Variants in MICU1 observed in about 807,000 individuals in gnomAD.
The protein encoded by MICU1 is calcium uptake protein 1, mitochondrial.
In MICU1, 45 loss-of-function variants were observed where a neutral mutation model predicts 56.8. That is an observed-to-expected ratio of 0.79 (90% CI 0.62 to 1.02). The LOEUF is 1.02. MICU1 is among the 50% of genes least tolerant of loss of function. The pLI is 0.00. For missense variants in MICU1, 504 were observed against 587.1 expected (o/e 0.86, Z 1.46); for synonymous variants, 186 against 195.1 (o/e 0.95, Z 0.39).
At position 72,405,125 on chromosome 10, in the gene MICU1, T is replaced by C. The variant is rs369039894; in HGVS notation, c.1180+2804A>G. 6.6e-5 allele frequency among the ~76,000 whole-genome samples: 10 copies of C among 152,280 alleles called. No individual in the cohort carries two copies. In the East Asian group the frequency reaches 1.9e-3, roughly 29 times the overall value. The stretch of plus-strand genomic sequence containing the variant: ...GGTTTCACCATGTTGGCGAGGCTGG[T>C]CTTGAACTCCTGATCTCAGGTGATC... On this transcript the variant is annotated intron_variant, in intron 10 of 11. Coordinates refer to ENST00000361114, the MANE Select transcript of MICU1 (RefSeq NM_001195518.2).
At chr10:72,440,223 C>A (rs1419228049) in intron 8 of MICU1, among the ~76,000 whole-genome samples, 2 of 152,128 alleles carry the variant, frequency 1.3e-5, no homozygotes, top group Non-Finnish European at 2.9e-5. Flanking sequence ...TGGAACAGAA[C>A]AGAGGCCTCA....
chr10:72,526,993 T>C (rs1867982654), intron 5 of MICU1, among the ~76,000 whole-genome samples: 1 of 151,502 alleles, frequency 6.6e-6, no homozygotes, highest in African/African-American at 2.4e-5. Context: ...TCATGGTATA[T>C]GAAACAATAA....
intron 3 of MICU1, among the ~76,000 whole-genome samples, chr10:72,551,572 G>A (rs1379713741): frequency 6.6e-6 from 1 of 151,838 alleles, no homozygotes; most frequent in Admixed American, 6.6e-5. Flanking sequence ...TCCAGTTGAG[G>A]CAATGCTCAT....
intron 8 of MICU1, among the ~76,000 whole-genome samples, chr10:72,462,528 A>G (rs1418717256): frequency 3.3e-5 from 5 of 152,182 alleles, no homozygotes; most frequent in Admixed American, 3.3e-4. Context: ...TATACTACAC[A>G]TATGCTCGAG....
chr10:72,594,612 AAGAT>A (rs886234560), intron 1 of MICU1, among the ~76,000 whole-genome samples: 3 of 152,142 alleles, frequency 2.0e-5, no homozygotes, highest in African/African-American at 4.8e-5. Context: ...ATGGAGTAAA[AAGAT>A]AGCCAGGTGT....
intron 8 of MICU1, among the ~76,000 whole-genome samples, chr10:72,457,215 C>G (rs182861868): frequency 7.6e-6 from 1 of 131,806 alleles, no homozygotes; most frequent in Non-Finnish European, 1.6e-5. Context: ...TTACTTCCTA[C>G]TTTTTTTTTT....
intron 10 of MICU1, among the ~76,000 whole-genome samples, chr10:72,376,540 G>T (rs919880770): frequency 6.6e-6 from 1 of 152,200 alleles, no homozygotes; most frequent in Non-Finnish European, 1.5e-5. Context: ...GGAGGCTGAG[G>T]TGAGAGGATA....
chr10:72,485,138 A>G (rs1234398504), intron 6 of MICU1, among the ~76,000 whole-genome samples: 2 of 152,238 alleles, frequency 1.3e-5, no homozygotes, highest in Non-Finnish European at 2.9e-5. Flanking sequence ...TAAAGAAATA[A>G]AGACAGGAAA....
At position 72,417,801 on chromosome 10, in the gene MICU1, T is replaced by C. The variant is rs553472379; in HGVS notation, c.1071+5433A>G. On this transcript the variant is annotated intron_variant, in intron 9 of 11. Coordinates refer to ENST00000361114, the MANE Select transcript of MICU1 (RefSeq NM_001195518.2). ...CTAGAGACACTGATGGAGCATTGCA[T>C]CTCTCGAGCAGTGGCTCATAAGCCT... Among the ~76,000 whole-genome samples the C allele has an allele frequency of 1.4e-4, 22 of 152,328 alleles. 1 individual carries two copies. The South Asian group carries it at 4.1e-3, about 29-fold the overall frequency.
At chr10:72,513,513 C>T (rs78112701) in intron 5 of MICU1, among the ~76,000 whole-genome samples, 4,191 of 152,190 alleles carry the variant, frequency 0.028, 182 homozygotes, top group African/African-American at 0.095. Context: ...TGTGTTGCCC[C>T]TTCACTCTTG....
rs1207796268 is a variant in MICU1, at chr10:72,423,386, G to A, written c.934-15C>T. ...TGGCGTTCAAACTGGGAGGGAAACA[G>A]AAAGAATGTTCCTAGGGTCAATGGA... On this transcript the variant is annotated splice_polypyrimidine_tract_variant and intron_variant, in intron 8 of 11. Coordinates refer to ENST00000361114, the MANE Select transcript of MICU1 (RefSeq NM_001195518.2). The A allele has an allele frequency of 2.5e-6, 4 of 1,612,642 alleles. No individual in the cohort carries two copies. Among genetic ancestry groups the A allele is most frequent in the South Asian group, 1.1e-5 (1 of 90,898 alleles).
chr10:72,390,188 GA>G (rs549489179), intron 10 of MICU1, among the ~76,000 whole-genome samples: 1 of 151,202 alleles, frequency 6.6e-6, no homozygotes, highest in African/African-American at 2.4e-5. Context: ...CAGAAAAAAT[GA>G]AAAAAAGAAA....
intron 8 of MICU1, among the ~76,000 whole-genome samples, chr10:72,445,364 C>G (rs541810227): frequency 1.8e-4 from 27 of 152,058 alleles, no homozygotes; most frequent in Non-Finnish European, 3.5e-4. Flanking sequence ...AAATTCAAAT[C>G]AGGGTAGATG....
At chr10:72,459,049 G>A (rs1457025799) in intron 8 of MICU1, among the ~76,000 whole-genome samples, 1 of 152,032 alleles carries the variant, frequency 6.6e-6, no homozygotes, top group Non-Finnish European at 1.5e-5. Context: ...AAGAAACCTA[G>A]ACTGGGTGTG....
chr10:72,522,512 C>T (rs1274089036), intron 5 of MICU1, among the ~76,000 whole-genome samples: 1 of 152,084 alleles, frequency 6.6e-6, no homozygotes, highest in African/African-American at 2.4e-5. Context: ...TTAATGATTA[C>T]ATTATTATTT....
chr10:72,613,641 A>T (rs1044539162), intron 1 of MICU1, among the ~76,000 whole-genome samples: 9 of 152,106 alleles, frequency 5.9e-5, no homozygotes, highest in Non-Finnish European at 1.5e-5. Context: ...TAACTACATT[A>T]TCAAATTTAT....
chr10:72,489,470 G>A (rs1866585663), intron 6 of MICU1, among the ~76,000 whole-genome samples: 1 of 152,162 alleles, frequency 6.6e-6, no homozygotes, highest in Admixed American at 6.5e-5. Context: ...GCTGGGATAT[G>A]AACCTTGGTG....
In MICU1 at chr10:72,464,066, C is replaced by T. The variant is rs189497102; in HGVS notation, c.933+11034G>A. On this transcript the variant is annotated intron_variant, in intron 8 of 11. Coordinates refer to ENST00000361114, the MANE Select transcript of MICU1 (RefSeq NM_001195518.2). The stretch of plus-strand genomic sequence containing the variant: ...ATCCCAGCACTTTGGGAGGCTGGGG[C>T]GAGTGGATCACCTGAGGTCAGGAGT... Among the ~76,000 whole-genome samples the T allele has an allele frequency of 2.8e-3, 420 of 152,132 alleles. 1 individual carries two copies. The highest frequency in any genetic ancestry group is 9.6e-3 in the African/African-American group (399 of 41,514).
chr10:72,435,983 GACA>G (rs1398565812), intron 8 of MICU1, among the ~76,000 whole-genome samples: 3 of 152,266 alleles, frequency 2.0e-5, no homozygotes, highest in African/African-American at 7.2e-5. Flanking sequence ...AAAGCCAGCA[GACA>G]ACTTCTTCAG....
Sources: allele counts gnomAD v4.1 joint callset (sites outside exome capture counted in the v4.1 genomes callset), GRCh38; gene constraint gnomAD v4.1.1; transcripts MANE v1.5; gene names NCBI Gene and HGNC (gene_info 2026-07-23, HGNC 2026-07-21).